NT5C2: variants seen among roughly 807,000 people sequenced by gnomAD.
NT5C2 encodes cytosolic purine 5'-nucleotidase.
In NT5C2, 58 loss-of-function variants were observed where a neutral mutation model predicts 76.1. That is an observed-to-expected ratio of 0.76 (90% CI 0.62 to 0.95). The LOEUF (loss-of-function observed/expected upper bound fraction) is 0.95, where lower values mean the gene tolerates loss of function less well. Ranked by LOEUF, NT5C2 falls within the 40% of genes least tolerant of loss-of-function variation. The pLI is 0.00. For missense variants in NT5C2, 478 were observed against 690.3 expected (o/e 0.69, Z 3.45); for synonymous variants, 229 against 237.4 (o/e 0.96, Z 0.32).
rs200882170 is a variant in NT5C2, at chr10:103,174,827, G to C, written c.101+31C>G. 6.1e-5 allele frequency: 87 copies of C among 1,421,928 alleles called. No homozygotes were observed. In the East Asian group the frequency reaches 1.9e-3, roughly 32 times the overall value. 88.1% of individuals were successfully genotyped at this position (1,421,928 alleles called of 1,614,324 possible). ...AAATGAAGTCCCACTTCATAGAGGG[G>C]TTTTGAGGATTAAATAGACAAAATA... is the stretch of plus-strand genomic sequence containing the variant. On this transcript the variant is annotated intron_variant, in intron 3 of 18. Coordinates refer to ENST00000404739, the MANE Select transcript of NT5C2 (RefSeq NM_001351169.2).
intron 3 of NT5C2, among the ~76,000 whole-genome samples, chr10:103,172,501 C>T (rs2088439126): frequency 6.6e-6 from 1 of 151,716 alleles, no homozygotes; most frequent in Non-Finnish European, 1.5e-5. Flanking sequence ...CCCGCCTCGG[C>T]CTCCCAAAGT....
At chr10:103,093,028 C>T in intron 15 of NT5C2, 111 bp downstream of exon 15, 2 of 860,468 alleles carry the variant, frequency 2.3e-6, no homozygotes, top group South Asian at 6.1e-5. Context: ...CAAGGCCTGC[C>T]TTTTGACCAC....
rs568993258 is a variant in NT5C2 at position 103,090,024 on chromosome 10, A to C, written c.1450-116T>G. 9 of 713,138 alleles carry C rather than the reference A, an allele frequency of 1.3e-5. No homozygotes were observed. The Admixed American group carries it at 1.3e-4, about 10-fold the overall frequency. The allele number at this position is 713,138 out of a possible 1,614,324, so 44.2% of individuals were successfully genotyped here. On this transcript the variant is annotated intron_variant, in intron 18 of 18. Coordinates refer to ENST00000404739, the MANE Select transcript of NT5C2 (RefSeq NM_001351169.2). ...TGCAATTACATCTATAATGGACCAC[A>C]GGACAAGTCAATATAGACTTATCTT...
intron 3 of NT5C2, among the ~76,000 whole-genome samples, chr10:103,163,694 G>C (rs573311452): frequency 1.4e-5 from 2 of 146,460 alleles, no homozygotes; most frequent in Admixed American, 1.4e-4. Context: ...AGCTTTATAT[G>C]CAATAACTAA....
At chr10:103,173,917 G>A (rs1461779010) in intron 3 of NT5C2, among the ~76,000 whole-genome samples, 1 of 151,808 alleles carries the variant, frequency 6.6e-6, no homozygotes. Flanking sequence ...CTAACACGGT[G>A]AAACCCTGTC....
chr10:103,113,975 G>C (rs1263781126), intron 4 of NT5C2, among the ~76,000 whole-genome samples: 1 of 152,186 alleles, frequency 6.6e-6, no homozygotes, highest in Non-Finnish European at 1.5e-5. Flanking sequence ...TGTGAAGTGG[G>C]ATACATGAGG....
At chr10:103,125,186 A>T in intron 4 of NT5C2, 1 of 639,308 alleles carries the variant, frequency 1.6e-6, no homozygotes, top group Non-Finnish European at 2.9e-6. Context: ...TCTGGGACTC[A>T]TCCCTCCACA....
At chr10:103,172,850 A>G (rs1327881825) in intron 3 of NT5C2, among the ~76,000 whole-genome samples, 1 of 152,142 alleles carries the variant, frequency 6.6e-6, no homozygotes, top group Admixed American at 6.5e-5. Flanking sequence ...AAAAACAAAA[A>G]AATACAAAAA....
intron 10 of NT5C2, chr10:103,098,509 T>C (rs1240505133): frequency 5.4e-6 from 1 of 186,240 alleles, no homozygotes; most frequent in Non-Finnish European, 1.1e-5. Flanking sequence ...AGTTATTTAA[T>C]CCCTCTATTT....
At chr10:103,106,406 A>G (rs895955950) in intron 5 of NT5C2, among the ~76,000 whole-genome samples, 183 bp downstream of exon 5, 1 of 152,206 alleles carries the variant, frequency 6.6e-6, no homozygotes, top group Non-Finnish European at 1.5e-5. Flanking sequence ...ACACCAAGAT[A>G]TGGTGTATAT....
chr10:103,171,497 TC>T (rs1431018542), intron 3 of NT5C2, among the ~76,000 whole-genome samples: 1 of 152,210 alleles, frequency 6.6e-6, no homozygotes, highest in Non-Finnish European at 1.5e-5. Context: ...ATTTTAGACT[TC>T]CTGTAGTTCC....
chr10:103,184,497 T>G (rs2091756971), intron 1 of NT5C2, among the ~76,000 whole-genome samples: 1 of 152,228 alleles, frequency 6.6e-6, no homozygotes. Flanking sequence ...GTTTGCATTC[T>G]GTCAATCTCT....
chr10:103,091,498 G>C, intron 16 of NT5C2, 66 bp downstream of exon 16: 1 of 1,264,224 alleles, frequency 7.9e-7, no homozygotes, highest in Non-Finnish European at 1.1e-6. Context: ...GGCCTGGAAA[G>C]AACATTTCTT....
At chr10:103,169,388 A>T (rs1040430433) in intron 3 of NT5C2, 2 of 152,208 alleles carry the variant, frequency 1.3e-5, no homozygotes, top group Non-Finnish European at 2.9e-5. Context: ...AGGACAAGGC[A>T]GGAGGATCAC....
chr10:103,166,577 T>C (rs10509766), intron 3 of NT5C2, among the ~76,000 whole-genome samples: 47,968 of 152,082 alleles, frequency 0.32, 7,649 homozygotes, highest in Middle Eastern at 0.36. Flanking sequence ...CTTAGGAAGA[T>C]GAAACATGAA....
intron 1 of NT5C2, among the ~76,000 whole-genome samples, chr10:103,184,113 C>T (rs577464418): frequency 2.0e-5 from 3 of 152,066 alleles, no homozygotes; most frequent in East Asian, 1.9e-4. Flanking sequence ...CCACCACGCC[C>T]GGCTAATTTT....
chr10:103,113,062 C>A lies in NT5C2; in HGVS notation c.176-6356G>T, dbSNP rs139839663. On this transcript the variant is annotated intron_variant, in intron 4 of 18. Transcript: ENST00000404739. ...TGACCTAAAAAAGATATTTTCATAT[C>A]TTTCTAAATTTTCAAAGCAAATTTC... Among the ~76,000 whole-genome samples the A allele has an allele frequency of 1.9e-3, 289 of 152,234 alleles. 8 individuals are homozygous for A. Among genetic ancestry groups the A allele is most frequent in the East Asian group, 0.014 (70 of 5,180 alleles).
intron 4 of NT5C2, among the ~76,000 whole-genome samples, chr10:103,127,746 C>T (rs1342497969): frequency 1.3e-5 from 2 of 152,146 alleles, no homozygotes; most frequent in African/African-American, 2.4e-5. Context: ...TTTAGAGAGA[C>T]GGGGTTTCAC....
At chr10:103,112,738 C>G (rs1329757284) in intron 4 of NT5C2, among the ~76,000 whole-genome samples, 1 of 152,088 alleles carries the variant, frequency 6.6e-6, no homozygotes, top group Non-Finnish European at 1.5e-5. Context: ...CAATGAAAAC[C>G]AAAAATGCAA....
Sources: allele counts gnomAD v4.1 joint callset (sites outside exome capture counted in the v4.1 genomes callset), GRCh38; gene constraint gnomAD v4.1.1; transcripts MANE v1.5; gene names NCBI Gene and HGNC (gene_info 2026-07-23, HGNC 2026-07-21).